The following IL1RAPL1 variants were observed in gnomAD, a reference collection of about 807,000 sequenced individuals.
IL1RAPL1 encodes the protein interleukin-1 receptor accessory protein-like 1.
A neutral mutation model predicts 48.4 loss-of-function variants in IL1RAPL1; 3 were observed. That is an observed-to-expected ratio of 0.06 (90% confidence interval 0.03 to 0.16). IL1RAPL1 has a LOEUF of 0.16. Among genes scored for constraint, IL1RAPL1 ranks in the 10% least tolerant of loss-of-function variants. IL1RAPL1 has a pLI of 1.00. For missense variants in IL1RAPL1, 349 were observed against 530.6 expected, an observed-to-expected ratio of 0.66 and a Z score of 3.36; for synonymous variants, 185 against 187.7, an observed-to-expected ratio of 0.99 and a Z score of 0.12.
chrX:29,100,974 GT>G (rs1457170943), intron 2 of IL1RAPL1, among the ~76,000 whole-genome samples: 1 of 111,868 alleles, frequency 8.9e-6, no homozygotes, highest in African/African-American at 3.2e-5. Flanking sequence ...ACAATGGGTA[GT>G]TTTGGGAATG....
chrX:29,503,957 CTT>C (rs369285020), intron 5 of IL1RAPL1, among the ~76,000 whole-genome samples: 11 of 94,635 alleles, frequency 1.2e-4, no homozygotes, highest in Admixed American at 2.3e-4. Flanking sequence ...AGCCTGAATC[CTT>C]TTTTTTTTTT....
At chrX:29,793,656 T>A (rs1239367717) in intron 6 of IL1RAPL1, among the ~76,000 whole-genome samples, 3 of 111,973 alleles carry the variant, frequency 2.7e-5, no homozygotes, top group Non-Finnish European at 5.6e-5. Flanking sequence ...GCAATAATCA[T>A]TATCACAAAA....
At chrX:29,851,474 G>T (rs2147198757) in intron 6 of IL1RAPL1, among the ~76,000 whole-genome samples, 1 of 112,057 alleles carries the variant, frequency 8.9e-6, no homozygotes, top group African/African-American at 3.2e-5. Context: ...AAATAATGTA[G>T]AGCCCTGAAG....
At chrX:29,880,497 G>A (rs768258590) in intron 6 of IL1RAPL1, among the ~76,000 whole-genome samples, 1 of 111,561 alleles carries the variant, frequency 9.0e-6, no homozygotes, top group Non-Finnish European at 1.9e-5. Flanking sequence ...ATAAAACGAG[G>A]TATTCAAGTA....
intron 2 of IL1RAPL1, among the ~76,000 whole-genome samples, chrX:29,208,010 G>A (rs1162705010): frequency 9.0e-6 from 1 of 111,647 alleles, no homozygotes; most frequent in Non-Finnish European, 1.9e-5. Context: ...ATGCAAGAGA[G>A]ACAATTACTT....
intron 2 of IL1RAPL1, among the ~76,000 whole-genome samples, chrX:28,969,032 C>T (rs1924991201): frequency 8.9e-6 from 1 of 112,037 alleles, no homozygotes; most frequent in African/African-American, 3.2e-5. Context: ...TTCATTCAGC[C>T]CTCATTCTTT....
At chrX:29,758,371 G>A (rs772071866) in intron 6 of IL1RAPL1, among the ~76,000 whole-genome samples, 6 of 111,139 alleles carry the variant, frequency 5.4e-5, no homozygotes, top group South Asian at 3.8e-4. Flanking sequence ...GGGAATGAAA[G>A]GAGGAAGAAA....
chrX:28,885,257 A>G (rs186911457), intron 2 of IL1RAPL1, among the ~76,000 whole-genome samples: 21 of 111,500 alleles, frequency 1.9e-4, no homozygotes, highest in Non-Finnish European at 3.6e-4. Context: ...AAATAACTCA[A>G]AGACGATGAA....
At chrX:28,764,618 A>G (rs1361976099) in intron 1 of IL1RAPL1, among the ~76,000 whole-genome samples, 1 of 100,917 alleles carries the variant, frequency 9.9e-6, no homozygotes, top group African/African-American at 3.6e-5. Context: ...GCATGATACT[A>G]GCACTGAGCA....
chrX:29,157,624 T>A (rs1314627018), intron 2 of IL1RAPL1, among the ~76,000 whole-genome samples: 1 of 111,303 alleles, frequency 9.0e-6, no homozygotes, highest in African/African-American at 3.3e-5. Context: ...TTAGGGGGGA[T>A]CTTTCTTGAT....
intron 2 of IL1RAPL1, among the ~76,000 whole-genome samples, chrX:29,051,023 A>G (rs1927081457): frequency 1.8e-5 from 2 of 112,500 alleles, no homozygotes; most frequent in Non-Finnish European, 3.8e-5. Context: ...ATAGAAAAAC[A>G]TTCCAAAATT....
intron 3 of IL1RAPL1, among the ~76,000 whole-genome samples, chrX:29,345,701 C>T (rs1246256294): frequency 2.7e-5 from 3 of 111,354 alleles, no homozygotes; most frequent in African/African-American, 9.8e-5. Flanking sequence ...AGACTCTAAA[C>T]TCTGGTACAT....
intron 6 of IL1RAPL1, among the ~76,000 whole-genome samples, chrX:29,791,726 CT>C (rs1192890486): frequency 0.34 from 25,390 of 74,265 alleles, 2,999 homozygotes; most frequent in African/African-American, 0.44. Context: ...GCCCAGCCTT[CT>C]TTTTTTTTTT....
At chrX:28,595,501 G>A (rs1466295087) in intron 1 of IL1RAPL1, among the ~76,000 whole-genome samples, 2 of 112,140 alleles carry the variant, frequency 1.8e-5, no homozygotes, top group Non-Finnish European at 3.8e-5. Context: ...AGACAGGGCT[G>A]TGGAGGACAT....
rs138540849 is a variant in IL1RAPL1, at chrX:29,820,497, G to T, written c.779-96967G>T. Among the ~76,000 whole-genome samples the T allele has an allele frequency of 4.2e-3, 467 of 111,437 alleles. 2 individuals carry two copies. The highest frequency in any genetic ancestry group is 6.9e-3 in the Admixed American group (72 of 10,460). ...TCAGAAACATTAGAATCCTTTATAG[G>T]GTCTCAAAGAGACTTGGGACCTAAG... On this transcript the variant is annotated intron_variant, in intron 6 of 10. Transcript: ENST00000378993.
At chrX:29,102,430 G>C (rs1295840130) in intron 2 of IL1RAPL1, among the ~76,000 whole-genome samples, 1 of 111,853 alleles carries the variant, frequency 8.9e-6, no homozygotes, top group African/African-American at 3.3e-5. Flanking sequence ...ACTTTGGGAG[G>C]CTGAGGCGGG....
chrX:29,777,830 T>C (rs754705049), intron 6 of IL1RAPL1, among the ~76,000 whole-genome samples: 1 of 111,008 alleles, frequency 9.0e-6, no homozygotes, highest in Non-Finnish European at 1.9e-5. Flanking sequence ...TTTTAATCTT[T>C]TTTTACTTGG....
intron 5 of IL1RAPL1, among the ~76,000 whole-genome samples, chrX:29,521,096 A>G (rs997492797): frequency 1.8e-5 from 2 of 112,773 alleles, no homozygotes; most frequent in Admixed American, 9.4e-5. Context: ...GTTATCTAAG[A>G]CAATACATTT....
At chrX:29,453,789 ATAAATT>A (rs1288738470) in intron 5 of IL1RAPL1, among the ~76,000 whole-genome samples, 1 of 112,564 alleles carries the variant, frequency 8.9e-6, no homozygotes, top group African/African-American at 3.2e-5. Context: ...TTTTACTCAG[ATAAATT>A]TAAAGGAATT....
Sources: allele counts gnomAD v4.1 joint callset (sites outside exome capture counted in the v4.1 genomes callset), GRCh38; gene constraint gnomAD v4.1.1; transcripts MANE v1.5; gene names NCBI Gene and HGNC (gene_info 2026-07-23, HGNC 2026-07-21).